LRRTM4: variants seen among roughly 807,000 people sequenced by gnomAD.
LRRTM4 encodes leucine-rich repeat transmembrane neuronal protein 4.
A neutral mutation model predicts 47.6 loss-of-function variants in LRRTM4; 25 were observed. The observed-to-expected ratio is 0.53, with a 90% CI of 0.38 to 0.73. LRRTM4 has a LOEUF of 0.73. Among genes scored for constraint, LRRTM4 ranks in the 30% least tolerant of loss-of-function variants. The pLI is 0.00. For missense variants in LRRTM4, 638 were observed against 713.4 expected (o/e 0.89, Z 1.20); for synonymous variants, 311 against 269.5 (o/e 1.15, Z -1.51).
intron 3 of LRRTM4, among the ~76,000 whole-genome samples, chr2:77,158,078 ATAT>A (rs1310973411): frequency 1.3e-5 from 2 of 152,166 alleles, no homozygotes; most frequent in African/African-American, 2.4e-5. Flanking sequence ...CACAGGGGAA[ATAT>A]TATTGTAAAT....
intron 3 of LRRTM4, among the ~76,000 whole-genome samples, chr2:76,942,674 A>ATGTGTGTGTG (rs750604219): frequency 0.023 from 2,885 of 123,312 alleles, 85 homozygotes; most frequent in African/African-American, 0.066. Flanking sequence ...ACCTCTAGGA[A>ATGTGTGTGTG]TCTGTGTGTG....
intron 3 of LRRTM4, among the ~76,000 whole-genome samples, chr2:77,018,230 T>G (rs1678140469): frequency 2.0e-5 from 3 of 148,544 alleles, no homozygotes; most frequent in South Asian, 2.2e-4. Flanking sequence ...TACATTTCAC[T>G]TAACCATGTA....
intron 3 of LRRTM4, among the ~76,000 whole-genome samples, chr2:76,971,862 A>G (rs1052614738): frequency 3.9e-5 from 6 of 152,062 alleles, no homozygotes; most frequent in Non-Finnish European, 7.4e-5. Context: ...AACAACATCT[A>G]TAACGTTTAA....
chr2:76,857,502 G>A (rs1672190096), intron 3 of LRRTM4, among the ~76,000 whole-genome samples: 1 of 151,772 alleles, frequency 6.6e-6, no homozygotes. Context: ...AGTTATATAT[G>A]GATTTTTGAC....
At chr2:77,479,458 A>G (rs115760689) in intron 3 of LRRTM4, among the ~76,000 whole-genome samples, 1,612 of 152,322 alleles carry the variant, frequency 0.011, 31 homozygotes, top group African/African-American at 0.037. Flanking sequence ...GAGGTTTCAA[A>G]AAGCAAGTCG....
intron 3 of LRRTM4, among the ~76,000 whole-genome samples, chr2:77,145,804 TAAAATA>T (rs1182811426): frequency 1.3e-5 from 2 of 149,466 alleles, no homozygotes; most frequent in African/African-American, 2.5e-5. Context: ...AATAAATAAA[TAAAATA>T]AAAATAAAAA....
rs1674160672 is a variant in LRRTM4 at position 77,207,360 on chromosome 2, T to TATAC, written c.1551+310957_1551+310958insGTAT. Among the ~76,000 whole-genome samples the TATAC allele has an allele frequency of 1.5e-5, 2 of 135,944 alleles. 1 individual carries two copies. Among genetic ancestry groups the TATAC allele is most frequent in the Non-Finnish European group, 3.0e-5 (2 of 66,364 alleles). 89.2% of individuals were successfully genotyped at this position (135,944 alleles called of 152,430 possible). A position where few individuals can be genotyped will look rare whatever the true frequency, so the allele number is the denominator to read the frequency against. On this transcript the variant is annotated intron_variant, in intron 3 of 3. Coordinates refer to ENST00000409884, the MANE Select transcript of LRRTM4 (RefSeq NM_001134745.3). ...AATTTCATATATGTGTATATATATA[T>TATAC]ATATATATATATACACACACACATA...
intron 3 of LRRTM4, among the ~76,000 whole-genome samples, chr2:76,822,391 T>C (rs1482347125): frequency 6.6e-6 from 1 of 151,434 alleles, no homozygotes; most frequent in African/African-American, 2.4e-5. Flanking sequence ...ACTAAGAATG[T>C]ATTAGCTATC....
intron 3 of LRRTM4, among the ~76,000 whole-genome samples, chr2:77,388,409 G>T (rs1157741167): frequency 6.6e-6 from 1 of 152,120 alleles, no homozygotes; most frequent in African/African-American, 2.4e-5. Flanking sequence ...TGCACTCATA[G>T]TTACATTGAC....
At chr2:77,466,862 C>A (rs1275724506) in intron 3 of LRRTM4, among the ~76,000 whole-genome samples, 2 of 152,088 alleles carry the variant, frequency 1.3e-5, no homozygotes, top group African/African-American at 4.8e-5. Context: ...ACACACCCAG[C>A]TAATTTTTGT....
chr2:77,062,294 CTAAAT>C (rs1315443372), intron 3 of LRRTM4, among the ~76,000 whole-genome samples: 56 of 152,160 alleles, frequency 3.7e-4, no homozygotes, highest in African/African-American at 1.3e-3. Context: ...AGCTTCTAAA[CTAAAT>C]TAATCAAAAA....
At chr2:76,948,848 G>A (rs902243900) in intron 3 of LRRTM4, among the ~76,000 whole-genome samples, 1 of 151,760 alleles carries the variant, frequency 6.6e-6, no homozygotes, top group Non-Finnish European at 1.5e-5. Context: ...TCATAATAAT[G>A]CTATTAATCA....
chr2:77,064,860 AGACTTAACCTACCCTT>A (rs954723776), intron 3 of LRRTM4, among the ~76,000 whole-genome samples: 2 of 152,074 alleles, frequency 1.3e-5, no homozygotes, highest in African/African-American at 4.8e-5. Flanking sequence ...TCTGATTTAC[AGACTTAACCTACCCTT>A]GACTTAACCT....
chr2:76,967,620 A>G (rs187851737), intron 3 of LRRTM4, among the ~76,000 whole-genome samples: 141 of 151,812 alleles, frequency 9.3e-4, no homozygotes, highest in Non-Finnish European at 1.5e-3. Flanking sequence ...TAAATTTGTA[A>G]TTCATCAGCC....
At chr2:77,202,975 G>A (rs931950794) in intron 3 of LRRTM4, among the ~76,000 whole-genome samples, 17 of 152,040 alleles carry the variant, frequency 1.1e-4, no homozygotes, top group Admixed American at 8.5e-4. Context: ...TCAGGTGACC[G>A]TATTCCCCAC....
At chr2:77,026,468 A>C (rs1678457956) in intron 3 of LRRTM4, among the ~76,000 whole-genome samples, 1 of 152,142 alleles carries the variant, frequency 6.6e-6, no homozygotes, top group South Asian at 2.1e-4. Flanking sequence ...TGCACTAACA[A>C]AAAAATCTAA....
chr2:77,418,425 A>G (rs1674732448), intron 3 of LRRTM4, among the ~76,000 whole-genome samples: 1 of 152,210 alleles, frequency 6.6e-6, no homozygotes, highest in Admixed American at 6.5e-5. Context: ...TTAGAAAATT[A>G]TTACATGGTG....
intron 3 of LRRTM4, among the ~76,000 whole-genome samples, chr2:76,951,685 T>C (rs1323977750): frequency 1.3e-5 from 2 of 151,982 alleles, no homozygotes; most frequent in African/African-American, 4.8e-5. Context: ...TACATAGGTA[T>C]ACACGTGCCA....
rs72913963 is a variant in LRRTM4, at chr2:77,214,196, T to C, written c.1551+304122A>G. On this transcript the variant is annotated intron_variant, in intron 3 of 3. Coordinates refer to ENST00000409884, the MANE Select transcript of LRRTM4 (RefSeq NM_001134745.3). ...ATATAATTCTAACATGCAAATGAAGTCATAGAAACAAAGACCAATAAAATG... is the reference window on the plus strand; with the variant it reads ...ATATAATTCTAACATGCAAATGAAGCCATAGAAACAAAGACCAATAAAATG... Among the ~76,000 whole-genome samples, 1,054 of 152,230 alleles carry C rather than the reference T, an allele frequency of 6.9e-3. 13 individuals carry two copies. Among genetic ancestry groups the C allele is most frequent in the African/African-American group, 0.024 (999 of 41,542 alleles).
Sources: gnomAD v4.1 joint callset for allele counts (sites outside exome capture counted in the v4.1 genomes callset) on GRCh38, gnomAD v4.1.1 for gene constraint, MANE v1.5 for transcripts, NCBI Gene and HGNC (gene_info 2026-07-23, HGNC 2026-07-21) for gene names.